HCFC1: variants seen among roughly 807,000 people sequenced by gnomAD.
HCFC1 encodes host cell factor C1.
A neutral mutation model predicts 105.5 loss-of-function variants in HCFC1; 7 were observed. The observed-to-expected ratio is 0.07, with a 90% CI of 0.04 to 0.12. The LOEUF is 0.12. HCFC1 is among the 10% of genes least tolerant of loss of function. The pLI is 1.00. For missense variants in HCFC1, 1,065 were observed against 1,823.6 expected, an observed-to-expected ratio of 0.58 and a Z score of 7.58; for synonymous variants, 918 against 828.1, an observed-to-expected ratio of 1.11 and a Z score of -1.86.
intron 25 of HCFC1, 68 bp downstream of exon 25, chrX:153,949,485 C>T (rs2065289273): frequency 2.6e-6 from 3 of 1,158,136 alleles, no homozygotes; most frequent in Non-Finnish European, 3.5e-6. Context: ...AGTCATTTGA[C>T]AAGAGGCTGA....
chrX:153,964,320 T>G (rs782783134), intron 2 of HCFC1, 36 bp from the exon 3 acceptor site: 20 of 1,125,750 alleles, frequency 1.8e-5, no homozygotes, highest in Non-Finnish European at 2.4e-5. Context: ...AACCGTGGGA[T>G]GAGAAGGCCA....
intron 2 of HCFC1, 95 bp downstream of exon 2, chrX:153,964,483 G>A (rs1284697262): frequency 3.2e-5 from 32 of 1,002,255 alleles, no homozygotes; most frequent in African/African-American, 2.5e-4. Context: ...ACTCTCAAGC[G>A]TCCCTTCCAC....
chrX:153,961,855 C>A (rs782410038), intron 5 of HCFC1, among the ~76,000 whole-genome samples: 6 of 111,992 alleles, frequency 5.4e-5, no homozygotes, highest in Non-Finnish European at 1.1e-4. Flanking sequence ...ATAAAAGTGC[C>A]GTTCAGCTCA....
At chrX:153,953,024 T>C in intron 18 of HCFC1, 66 bp from the exon 19 acceptor site, 1 of 961,125 alleles carries the variant, frequency 1.0e-6, no homozygotes, top group African/African-American at 1.9e-5. Context: ...GTCACTGTTA[T>C]TTTGGCCGGG....
chrX:153,951,200 G>A lies in HCFC1; in HGVS notation c.5517+150C>T. The A allele has an allele frequency of 5.7e-6, 4 of 701,562 alleles. No homozygotes were observed. In the South Asian group the frequency reaches 1.0e-4, roughly 18 times the overall value. 57.8% of individuals were successfully genotyped at this position (701,562 alleles called of 1,213,427 possible). The stretch of plus-strand genomic sequence containing the variant: ...GGAACCAAAGCTCTCCTTTTCTACT[G>A]CTTCAGGGGGGATGGTCTCTGCCCA... On this transcript the variant is annotated intron_variant, in intron 22 of 25. Coordinates refer to ENST00000310441, the MANE Select transcript of HCFC1 (RefSeq NM_005334.3).
chrX:153,964,792 G>A, intron 1 of HCFC1, 66 bp from the exon 2 acceptor site: 1 of 1,067,663 alleles, frequency 9.4e-7, no homozygotes, highest in South Asian at 2.6e-5. Flanking sequence ...TTCCCCAAAT[G>A]TGCCAGCCGT....
In HCFC1 at chrX:153,957,694, G is replaced by T. The variant is rs1028343697; in HGVS notation, c.2133+88C>A. On this transcript the variant is annotated intron_variant, in intron 12 of 25. Transcript: ENST00000310441. ...CTTGCTGAGCCATGTGTGCTCATGG[G>T]ATCTTCCATGGGCAGGGACATGAGT... The T allele has an allele frequency of 6.3e-5, 50 of 790,384 alleles. No homozygotes were observed. The African/African-American group carries it at 9.3e-4, about 15-fold the overall frequency. The allele number at this position is 790,384 out of a possible 1,213,427, so 65.1% of individuals were successfully genotyped here. A position where few individuals can be genotyped will look rare whatever the true frequency, so the allele number is the denominator to read the frequency against.
Position 153,947,839 on chromosome X carries a change from A to G in HCFC1, c.*1508T>C, listed in dbSNP as rs1557111345. 9.0e-6 allele frequency: 1 copy of G among 111,378 alleles called. No homozygotes were observed. The highest frequency in any genetic ancestry group is 3.3e-5 in the African/African-American group (1 of 30,594). 9.2% of individuals were successfully genotyped at this position (111,378 alleles called of 1,213,427 possible). A position where few individuals can be genotyped will look rare whatever the true frequency, so the allele number is the denominator to read the frequency against. ...GCTGCGTCTCCAGGCAGAGGTCGGT[A>G]GGGGAGGGCTGGAAAGATTGGCTGC... On this transcript the variant is annotated 3_prime_UTR_variant, in exon 26 of 26. Coordinates refer to ENST00000310441, the MANE Select transcript of HCFC1 (RefSeq NM_005334.3).
chrX:153,950,797 C>A lies in HCFC1; in HGVS notation c.5703+16G>T. ...AACCAACCAGGGACAGACGGCCACC[C>A]CACAGCAAGACTCACTTTGCTGATT... On this transcript the variant is annotated intron_variant, in intron 23 of 25. Transcript: ENST00000310441. 1 of 1,206,385 alleles carries A rather than the reference C, an allele frequency of 8.3e-7. No individual in the cohort carries two copies. The highest frequency in any genetic ancestry group is 1.1e-6 in the Non-Finnish European group (1 of 891,892).
Position 153,961,455 on chromosome X carries a change from C to T in HCFC1, c.904+87G>A, listed in dbSNP as rs905380388. ...AGGGAGCCGGGGGCCCAGCTTGCTC[C>T]CCGCACACCCCACACAGCTCTTAGG... On this transcript the variant is annotated intron_variant, in intron 6 of 25. Coordinates refer to ENST00000310441, the MANE Select transcript of HCFC1 (RefSeq NM_005334.3). The T allele has an allele frequency of 1.3e-4, 79 of 613,203 alleles. 1 individual carries two copies. The East Asian group carries it at 2.3e-3, about 18-fold the overall frequency. 50.5% of individuals were successfully genotyped at this position (613,203 alleles called of 1,213,427 possible). A position where few individuals can be genotyped will look rare whatever the true frequency, so the allele number is the denominator to read the frequency against.
chrX:153,971,480 C>T lies in HCFC1; in HGVS notation c.-640G>A, dbSNP rs2065533619. ...CGGAGGCCGGTGGAACCAGCTCGAG[C>T]TCTCGAGGGCCGTTTGGGGGCTCGC... On this transcript the variant is annotated 5_prime_UTR_variant, in exon 1 of 26. Coordinates refer to ENST00000310441, the MANE Select transcript of HCFC1 (RefSeq NM_005334.3). The T allele has an allele frequency of 6.8e-6, 2 of 294,886 alleles. No individual in the cohort carries two copies. Among genetic ancestry groups the T allele is most frequent in the East Asian group, 9.6e-5 (2 of 20,884 alleles). The allele number at this position is 294,886 out of a possible 1,213,427, so 24.3% of individuals were successfully genotyped here. A position where few individuals can be genotyped will look rare whatever the true frequency, so the allele number is the denominator to read the frequency against.
In HCFC1 at chrX:153,971,648, T is replaced by G; in HGVS notation, c.-808A>C. 3.4e-6 allele frequency: 1 copy of G among 296,324 alleles called. No individual in the cohort carries two copies. 24.4% of individuals were successfully genotyped at this position (296,324 alleles called of 1,213,427 possible). A position where few individuals can be genotyped will look rare whatever the true frequency, so the allele number is the denominator to read the frequency against. On this transcript the variant is annotated 5_prime_UTR_variant, in exon 1 of 26. Coordinates refer to ENST00000310441, the MANE Select transcript of HCFC1 (RefSeq NM_005334.3). ...CTTCCTCCTAGGTCAGTTCTTCCAC[T>G]GCACACCAAACTCAAGGCGGTGTCC...
Position 153,951,822 on chromosome X carries a change from T to C in HCFC1, c.5260+19A>G. ...GGTGCCCCCACCACCCCAGCACCAA[T>C]TCGCCCTCAGTCGCTTACTCTCAGT... is the stretch of plus-strand genomic sequence containing the variant. On this transcript the variant is annotated intron_variant, in intron 20 of 25. Transcript: ENST00000310441. 1.7e-6 allele frequency: 2 copies of C among 1,182,021 alleles called. No homozygotes were observed. Among genetic ancestry groups the C allele is most frequent in the African/African-American group, 3.5e-5 (2 of 57,429 alleles).
chrX:153,966,591 A>G (rs1300070983), intron 1 of HCFC1, among the ~76,000 whole-genome samples: 1 of 112,541 alleles, frequency 8.9e-6, no homozygotes, highest in Non-Finnish European at 1.9e-5. Flanking sequence ...AGCTCCATGC[A>G]AGCTACCAGG....
chrX:153,953,125 G>A (rs1290031074), intron 18 of HCFC1, 167 bp from the exon 19 acceptor site: 1 of 502,488 alleles, frequency 2.0e-6, no homozygotes, highest in Admixed American at 2.8e-5. Context: ...CAGAGGGGAG[G>A]AGAGGGGCCA....
rs2065362616 is a variant in HCFC1 at position 153,955,167 on chromosome X, G to C, written c.3232C>G (p.Pro1078Ala). The change falls in exon 17 of 26, where the codon CCG becomes GCG. Residue 1078 changes from proline (P) to alanine (A), a missense_variant. Pro to Ala is a conservative substitution (Grantham distance 27). Around this residue, in one of 17 missense-constraint regions of HCFC1, gnomAD observed 546 missense variants for 599.9 expected, o/e 0.91. Transcript: ENST00000310441. Reference sequence around the variant, plus strand: ...CCCGTCTCGTGGGTCTCGCAGGGCGGGTTCGAACAGACTCGGACCACGCTA... The same window carrying C: ...CCCGTCTCGTGGGTCTCGCAGGGCGCGTTCGAACAGACTCGGACCACGCTA... ...NGSVVRVCSN[P>A]PCETHETGTT... 2 of 1,211,496 alleles carry C rather than the reference G, an allele frequency of 1.7e-6. No individual in the cohort carries two copies. Among genetic ancestry groups the C allele is most frequent in the South Asian group, 3.5e-5 (2 of 56,966 alleles).
rs782587161 is a variant in HCFC1 at position 153,957,841 on chromosome X, C to G, written c.2074G>C (p.Val692Leu). The G allele has an allele frequency of 8.3e-7, 1 of 1,210,141 alleles. No individual in the cohort carries two copies. The highest frequency in any genetic ancestry group is 1.1e-6 in the Non-Finnish European group (1 of 894,174). Residue 692 changes from valine (V) to leucine (L), a missense_variant, in exon 12 of 26, where the codon GTT (valine) becomes CTT (leucine). By Grantham distance (32) the Val-to-Leu change is conservative. This residue lies in a region of HCFC1 where 137 missense variants were observed against 378.2 expected (regional missense o/e 0.36). Transcript: ENST00000310441. The part of the protein sequence containing the change: ...KVMSVVQTKP[V>L]QTSAVTGQAS... ...TGGCCTGTGACTGCTGAAGTCTGAA[C>G]TGGTTTGGTCTGGACCACCGACATC...
At position 153,951,988 on chromosome X, in the gene HCFC1, C is replaced by T. The variant is rs373226992; in HGVS notation, c.5113G>A (p.Ala1705Thr). Residue 1705 changes from alanine to threonine, a missense_variant, in exon 20 of 26, where the codon GCC (alanine) becomes ACC (threonine). By Grantham distance (58) the Ala-to-Thr change is moderately conservative. Around this residue, in one of 17 missense-constraint regions of HCFC1, gnomAD observed 115 missense variants for 143.7 expected, o/e 0.80. Transcript: ENST00000310441. ...GGGAGGTGGTGATGCTGCTGCTGGG[C>T]CTGGGCCTCCTGCAGCTGCTGCTGC... ...VQQQQLQEAQAQQQHHHLPTE... is the reference protein window; with the variant it reads ...VQQQQLQEAQTQQQHHHLPTE... 24 of 1,193,913 alleles carry T rather than the reference C, an allele frequency of 2.0e-5. No individual in the cohort carries two copies. In the African/African-American group the frequency reaches 4.0e-4, roughly 20 times the overall value.
At chrX:153,955,674 C>T in intron 16 of HCFC1, 132 bp from the exon 17 acceptor site, 3 of 621,294 alleles carry the variant, frequency 4.8e-6, no homozygotes, top group Non-Finnish European at 7.2e-6. Context: ...GACGTAAGAC[C>T]CACTCACCCC....
Sources: gnomAD v4.1 joint callset for allele counts (sites outside exome capture counted in the v4.1 genomes callset) on GRCh38, gnomAD v4.1.1 for gene constraint, gnomAD v4.1.1 regional missense constraint, MANE v1.5 for transcripts, NCBI Gene and HGNC (gene_info 2026-07-23, HGNC 2026-07-21) for gene names.